ZNF704: variants seen among roughly 807,000 people sequenced by gnomAD.
ZNF704 encodes glucocorticoid induced gene 1.
Under a neutral mutation model 44.7 loss-of-function variants are expected in ZNF704, and 10 were observed. That is an observed-to-expected ratio of 0.22 (90% CI 0.14 to 0.38). ZNF704 has a LOEUF of 0.38. Among genes scored for constraint, ZNF704 ranks in the 10% least tolerant of loss-of-function variants. The pLI is 1.00. For synonymous variants in ZNF704, 211 were observed against 207.6 expected, an observed-to-expected ratio of 1.02 and a Z score of -0.14; for missense variants, 390 against 545.5, an observed-to-expected ratio of 0.71 and a Z score of 2.84.
intron 2 of ZNF704, among the ~76,000 whole-genome samples, chr8:80,759,711 A>AT: frequency 6.6e-6 from 1 of 152,240 alleles, no homozygotes; most frequent in South Asian, 2.1e-4. Flanking sequence ...TTGGGAGAGG[A>AT]TCCCTCCCCA....
intron 3 of ZNF704, among the ~76,000 whole-genome samples, chr8:80,691,838 T>C (rs1818640558): frequency 6.6e-6 from 1 of 152,170 alleles, no homozygotes; most frequent in Admixed American, 6.5e-5. Context: ...ATACATCTCT[T>C]CCTGTGCGTC....
At chr8:80,835,522 G>A (rs1808543824) in intron 1 of ZNF704, among the ~76,000 whole-genome samples, 1 of 152,186 alleles carries the variant, frequency 6.6e-6, no homozygotes, top group African/African-American at 2.4e-5. Context: ...AGAAGGAGCA[G>A]GGAGGGGACG....
chr8:80,870,065 T>C (rs1157003348), intron 1 of ZNF704, among the ~76,000 whole-genome samples: 1 of 152,220 alleles, frequency 6.6e-6, no homozygotes, highest in African/African-American at 2.4e-5. Flanking sequence ...AGCCTTCAGA[T>C]GAGAACTCAA....
chr8:80,848,682 A>G (rs1215829217), intron 1 of ZNF704, among the ~76,000 whole-genome samples: 1 of 152,054 alleles, frequency 6.6e-6, no homozygotes, highest in African/African-American at 2.4e-5. Flanking sequence ...CCATCTTTAC[A>G]AAAAATCAGC....
At chr8:80,821,638 T>C (rs778189953) in intron 1 of ZNF704, 23 bp from the exon 2 acceptor site, 1 of 1,584,218 alleles carries the variant, frequency 6.3e-7, no homozygotes, top group East Asian at 2.2e-5. Context: ...ACACAGAAAT[T>C]CTTACTCACA....
intron 2 of ZNF704, among the ~76,000 whole-genome samples, chr8:80,790,968 G>A (rs939888378): frequency 3.3e-5 from 5 of 152,132 alleles, no homozygotes; most frequent in African/African-American, 7.2e-5. Context: ...GGGGCAGGGA[G>A]GGTGAATGAA....
chr8:80,731,472 A>G (rs1806580841), intron 2 of ZNF704, among the ~76,000 whole-genome samples: 1 of 152,254 alleles, frequency 6.6e-6, no homozygotes, highest in Admixed American at 6.5e-5. Flanking sequence ...TAAATACACC[A>G]TAACATTAAA....
At chr8:80,657,839 A>G (rs1397025440) in intron 7 of ZNF704, among the ~76,000 whole-genome samples, 1 of 152,138 alleles carries the variant, frequency 6.6e-6, no homozygotes, top group African/African-American at 2.4e-5. Flanking sequence ...ACTTTCTGTC[A>G]AAGCTTTTGT....
At chr8:80,883,131 C>T in the ZNF704 span, among the ~76,000 whole-genome samples, 1 of 149,514 alleles carries the variant, frequency 6.7e-6, no homozygotes, top group East Asian at 1.9e-4. Flanking sequence ...ACCTATGGTC[C>T]CAGCTACTCA....
upstream of ZNF704, among the ~76,000 whole-genome samples, chr8:80,876,483 C>A (rs1156836136): frequency 1.3e-5 from 2 of 151,994 alleles, no homozygotes; most frequent in African/African-American, 4.8e-5. Flanking sequence ...AAGGAAAGAT[C>A]GGGGCAAGGG....
chr8:80,857,182 A>T (rs1211106271), intron 1 of ZNF704, among the ~76,000 whole-genome samples: 1 of 152,152 alleles, frequency 6.6e-6, no homozygotes, highest in East Asian at 1.9e-4. Context: ...AAATAGAAAC[A>T]GCGATATTTT....
At chr8:80,846,110 T>G (rs1808763659) in intron 1 of ZNF704, among the ~76,000 whole-genome samples, 1 of 152,144 alleles carries the variant, frequency 6.6e-6, no homozygotes, top group African/African-American at 2.4e-5. Context: ...TGCTCAAGAA[T>G]CATGCCTGAT....
intron 2 of ZNF704, among the ~76,000 whole-genome samples, chr8:80,786,071 G>A (rs751258240): frequency 6.6e-6 from 1 of 152,014 alleles, no homozygotes; most frequent in Non-Finnish European, 1.5e-5. Context: ...ACCAGCCTGG[G>A]CAACACGGGG....
At chr8:80,817,095 C>T (rs897772066) in intron 2 of ZNF704, among the ~76,000 whole-genome samples, 2 of 152,124 alleles carry the variant, frequency 1.3e-5, no homozygotes, top group African/African-American at 2.4e-5. Flanking sequence ...GCTTAGGGCC[C>T]TCTTAAACAA....
At chr8:80,764,998 G>C (rs1326036449) in intron 2 of ZNF704, among the ~76,000 whole-genome samples, 1 of 152,162 alleles carries the variant, frequency 6.6e-6, no homozygotes, top group Non-Finnish European at 1.5e-5. Flanking sequence ...TGGTGGTTGA[G>C]AAGTCCCATG....
At chr8:80,830,531 T>C (rs1295194997) in intron 1 of ZNF704, among the ~76,000 whole-genome samples, 2 of 152,106 alleles carry the variant, frequency 1.3e-5, no homozygotes, top group Non-Finnish European at 2.9e-5. Flanking sequence ...GGAAATGTCC[T>C]AGGACTAGAC....
At chr8:80,831,914 A>G (rs932015044) in intron 1 of ZNF704, among the ~76,000 whole-genome samples, 3 of 152,220 alleles carry the variant, frequency 2.0e-5, no homozygotes, top group South Asian at 4.1e-4. Context: ...TCCGAACACT[A>G]TAACTTCTAT....
At chr8:80,738,609 A>G (rs1806704967) in intron 2 of ZNF704, among the ~76,000 whole-genome samples, 1 of 151,650 alleles carries the variant, frequency 6.6e-6, no homozygotes, top group South Asian at 2.1e-4. Context: ...TAACCTTTGC[A>G]CTGATAAGAA....
At chr8:80,681,398 C>T (rs1563516927) in intron 4 of ZNF704, among the ~76,000 whole-genome samples, 1 of 152,194 alleles carries the variant, frequency 6.6e-6, no homozygotes, top group Non-Finnish European at 1.5e-5. Flanking sequence ...AAAATACACA[C>T]TGTATAATTC....
Sources: gnomAD v4.1 joint callset for allele counts (sites outside exome capture counted in the v4.1 genomes callset) on GRCh38, gnomAD v4.1.1 for gene constraint, MANE v1.5 for transcripts, NCBI Gene and HGNC (gene_info 2026-07-23, HGNC 2026-07-21) for gene names.